FKTN: variants seen among roughly 807,000 people sequenced by gnomAD.
The protein encoded by FKTN is fukutin.
Under a neutral mutation model 58.6 loss-of-function variants are expected in FKTN, and 47 were observed. The observed-to-expected ratio is 0.80, with a 90% CI of 0.63 to 1.02. FKTN has a LOEUF of 1.02. Ranked by LOEUF, FKTN falls within the 50% of genes least tolerant of loss-of-function variation. FKTN has a pLI of 0.00. For synonymous variants in FKTN, 178 were observed against 191.9 expected (o/e 0.93, Z 0.60); for missense variants, 516 against 537.3 (o/e 0.96, Z 0.39).
intron 7 of FKTN, 21 bp downstream of exon 7, chr9:105,607,972 T>C: frequency 6.2e-7 from 1 of 1,600,352 alleles, no homozygotes; most frequent in Non-Finnish European, 8.6e-7. Flanking sequence ...ACCAAATGTG[T>C]ACTTTTAAAT....
chr9:105,581,006 T>C (rs1382816263), intron 3 of FKTN, among the ~76,000 whole-genome samples: 1 of 140,622 alleles, frequency 7.1e-6, no homozygotes, highest in Non-Finnish European at 1.5e-5. Flanking sequence ...GAGCCTTGGT[T>C]TTCAGCTCCA....
Position 105,637,014 on chromosome 9 carries a change from G to T in FKTN, c.*1750G>T, listed in dbSNP as rs889830560. 1.0e-6 allele frequency: 1 copy of T among 997,354 alleles called. No individual in the cohort carries two copies. Among genetic ancestry groups the T allele is most frequent in the African/African-American group, 1.7e-5 (1 of 57,718 alleles). 61.8% of individuals were successfully genotyped at this position (997,354 alleles called of 1,614,324 possible). On this transcript the variant is annotated 3_prime_UTR_variant, in exon 11 of 11. Coordinates refer to ENST00000357998, the MANE Select transcript of FKTN (RefSeq NM_001079802.2). ...TTGTCAGCAAACTTGTCCCAAAATG[G>T]CACATCATCATAATCCATTTTCTCT...
Position 105,563,520 on chromosome 9 carries a change from G to A in FKTN, c.-181+5355G>A, listed in dbSNP as rs932991538. Among the ~76,000 whole-genome samples the A allele has an allele frequency of 7.9e-5, 12 of 152,142 alleles. No individual in the cohort carries two copies. In the South Asian group the frequency reaches 1.2e-3, roughly 16 times the overall value. On this transcript the variant is annotated intron_variant, in intron 1 of 10. Transcript: ENST00000357998. ...GGAGATTATATCCCACGCCTGGCTCGGAGGGTCCTATGCCCACGGAGCCTC... is the reference window on the plus strand; with the variant it reads ...GGAGATTATATCCCACGCCTGGCTCAGAGGGTCCTATGCCCACGGAGCCTC...
Position 105,559,494 on chromosome 9 carries a change from C to T in FKTN, c.-181+1329C>T, listed in dbSNP as rs565979026. The stretch of plus-strand genomic sequence containing the variant: ...GCCAAGGAGTTCGAAACCAGCCTGG[C>T]CAACATGGTGAAACCCTATCTCTAC... On this transcript the variant is annotated intron_variant, in intron 1 of 10. Transcript: ENST00000357998. 4.6e-5 allele frequency among the ~76,000 whole-genome samples: 7 copies of T among 152,182 alleles called. No individual in the cohort carries two copies. In the East Asian group the frequency reaches 1.4e-3, roughly 29 times the overall value.
At chr9:105,566,622 A>G (rs1839673682) in intron 1 of FKTN, among the ~76,000 whole-genome samples, 1 of 152,182 alleles carries the variant, frequency 6.6e-6, no homozygotes, top group Non-Finnish European at 1.5e-5. Context: ...GAATAGACCA[A>G]TAACAGGCTC....
In FKTN at chr9:105,604,263, A is replaced by T; in HGVS notation, c.418A>T (p.Ile140Phe). The T allele has an allele frequency of 2.5e-6, 4 of 1,613,126 alleles. No homozygotes were observed. The highest frequency in any genetic ancestry group is 3.4e-6 in the Non-Finnish European group (4 of 1,179,972). ...AENMGFQCLK[I>F]ESKDPRLDGI... ...GAATATGGGATTTCAGTGCCTAAAG[A>T]TTGAGAGTAAAGATCCCCGGCTAGA... Residue 140 changes from isoleucine (I) to phenylalanine (F), a missense_variant, in exon 6 of 11, where the codon ATT becomes TTT. Coordinates refer to ENST00000357998, the MANE Select transcript of FKTN (RefSeq NM_001079802.2).
chr9:105,631,307 T>C (rs896603070), intron 10 of FKTN, among the ~76,000 whole-genome samples: 2 of 152,134 alleles, frequency 1.3e-5, no homozygotes, highest in Non-Finnish European at 2.9e-5. Context: ...CTAGAGGGCT[T>C]AGGCACTGGA....
Position 105,640,200 on chromosome 9 carries a change from A to T in FKTN, c.*4936A>T. 6.5e-7 allele frequency: 1 copy of T among 1,527,932 alleles called. No individual in the cohort carries two copies. Among genetic ancestry groups the T allele is most frequent in the Non-Finnish European group, 8.8e-7 (1 of 1,142,502 alleles). 94.6% of individuals were successfully genotyped at this position (1,527,932 alleles called of 1,614,324 possible). On this transcript the variant is annotated 3_prime_UTR_variant, in exon 11 of 11. Transcript: ENST00000357998. The stretch of plus-strand genomic sequence containing the variant: ...AGTGAAACAGACTAATTCAATGGCA[A>T]TACCTTTTGTATAGGTCCTGTGCTT...
chr9:105,586,838 T>C (rs1844001347), intron 3 of FKTN, among the ~76,000 whole-genome samples: 1 of 152,210 alleles, frequency 6.6e-6, no homozygotes, highest in Admixed American at 6.5e-5. Context: ...ACAAGTAAAA[T>C]TGTATTAAAT....
intron 3 of FKTN, among the ~76,000 whole-genome samples, chr9:105,577,896 G>A (rs1214622982): frequency 2.7e-4 from 41 of 150,972 alleles, no homozygotes; most frequent in African/African-American, 1.0e-3. Flanking sequence ...TCCCTTGTAA[G>A]TTGGATTCCT....
chr9:105,632,341 T>C (rs377461261), intron 10 of FKTN, among the ~76,000 whole-genome samples: 4 of 151,504 alleles, frequency 2.6e-5, no homozygotes, highest in Non-Finnish European at 4.4e-5. Context: ...GTGGGTGCAG[T>C]GCACCAGCAT....
At chr9:105,564,226 TA>T (rs1838912060) in intron 1 of FKTN, among the ~76,000 whole-genome samples, 1 of 152,168 alleles carries the variant, frequency 6.6e-6, no homozygotes, top group South Asian at 2.1e-4. Context: ...CTGAAAATTC[TA>T]AAAATCAGAG....
chr9:105,570,958 A>G (rs1722335131), intron 1 of FKTN, among the ~76,000 whole-genome samples: 1 of 152,220 alleles, frequency 6.6e-6, no homozygotes, highest in Non-Finnish European at 1.5e-5. Flanking sequence ...TACTCATGCA[A>G]AAACCATAGA....
intron 10 of FKTN, among the ~76,000 whole-genome samples, chr9:105,629,612 T>C (rs1054436670): frequency 2.0e-5 from 3 of 152,158 alleles, no homozygotes; most frequent in Non-Finnish European, 2.9e-5. Context: ...TTTTGGAAGT[T>C]ATGTAGTTAT....
intron 5 of FKTN, 124 bp from the exon 6 acceptor site, chr9:105,604,091 A>G (rs977046157): frequency 4.1e-6 from 4 of 974,106 alleles, no homozygotes; most frequent in Non-Finnish European, 6.5e-6. Context: ...TACAGAGCAG[A>G]TTAGCACAAA....
chr9:105,614,379 A>G lies in FKTN; in HGVS notation c.781-899A>G, dbSNP rs552721650. 1.4e-4 allele frequency among the ~76,000 whole-genome samples: 22 copies of G among 152,192 alleles called. No homozygotes were observed. The South Asian group carries it at 3.7e-3, about 26-fold the overall frequency. On this transcript the variant is annotated intron_variant, in intron 7 of 10. Transcript: ENST00000357998. Reference sequence around the variant, plus strand: ...GATACAAGAGAGATTTGTTTATTACATTCTTTCATTCATTCAGCAAATACT... The same window carrying G: ...GATACAAGAGAGATTTGTTTATTACGTTCTTTCATTCATTCAGCAAATACT...
chr9:105,626,253 T>C (rs577977539), intron 10 of FKTN, among the ~76,000 whole-genome samples: 1 of 152,302 alleles, frequency 6.6e-6, no homozygotes, highest in East Asian at 1.9e-4. Flanking sequence ...CTCAGGCTGC[T>C]ATAACAAAAT....
chr9:105,604,290 G>A lies in FKTN; in HGVS notation c.445G>A (p.Gly149Arg), dbSNP rs200686690. ...TGAGAGTAAAGATCCCCGGCTAGACGGGATAGACTCACTCTCTGGAACTGA... is the reference window on the plus strand; with the variant it reads ...TGAGAGTAAAGATCCCCGGCTAGACAGGATAGACTCACTCTCTGGAACTGA... Reference protein sequence around the residue: ...KIESKDPRLDGIDSLSGTEIP... With the variant: ...KIESKDPRLDRIDSLSGTEIP... The change falls in exon 6 of 11, where the codon GGG becomes AGG. Residue 149 changes from glycine (G) to arginine (R), a missense_variant. Transcript: ENST00000357998. 42 of 1,613,586 alleles carry A rather than the reference G, an allele frequency of 2.6e-5. No individual in the cohort carries two copies. In the South Asian group the frequency reaches 3.1e-4, roughly 12 times the overall value.
intron 5 of FKTN, 24 bp from the exon 6 acceptor site, chr9:105,604,191 T>C (rs1327656442): frequency 1.2e-6 from 2 of 1,610,804 alleles, no homozygotes; most frequent in Non-Finnish European, 1.7e-6. Flanking sequence ...TGTTTCTTGA[T>C]GTTTGATGCT....
Sources: allele counts gnomAD v4.1 joint callset (sites outside exome capture counted in the v4.1 genomes callset), GRCh38; gene constraint gnomAD v4.1.1; transcripts MANE v1.5; gene names NCBI Gene and HGNC (gene_info 2026-07-23, HGNC 2026-07-21).